The following ITGA1 variants were observed in gnomAD, a reference collection of about 807,000 sequenced individuals.
ITGA1 encodes integrin subunit alpha 1.
ITGA1 carries 85 observed loss-of-function variants against 145.9 expected under a neutral mutation model. The ratio of observed to expected loss-of-function variants is 0.58; its 90% CI spans 0.49 to 0.70. The LOEUF (loss-of-function observed/expected upper bound fraction) is 0.70. Ranked by LOEUF, ITGA1 falls within the 30% of genes least tolerant of loss-of-function variation. The probability of loss-of-function intolerance (pLI) is 0.00; values close to 1 mark genes in which losing one functional copy is unlikely to be tolerated. For missense variants in ITGA1, 1,351 were observed against 1,418.7 expected, an observed-to-expected ratio of 0.95 and a Z score of 0.77; for synonymous variants, 520 against 495.3, an observed-to-expected ratio of 1.05 and a Z score of -0.66.
intron 27 of ITGA1, among the ~76,000 whole-genome samples, chr5:52,946,991 T>C (rs534558292): frequency 1.3e-5 from 2 of 152,338 alleles, no homozygotes; most frequent in African/African-American, 4.8e-5. Context: ...CTAATGCTAT[T>C]GTGATAATAC....
chr5:52,873,037 T>C (rs144668871), intron 6 of ITGA1, among the ~76,000 whole-genome samples: 1 of 152,196 alleles, frequency 6.6e-6, no homozygotes, highest in East Asian at 1.9e-4. Flanking sequence ...TGGAAGATAG[T>C]CTAGGGTTTT....
At chr5:52,925,952 A>G (rs1392132176) in intron 19 of ITGA1, among the ~76,000 whole-genome samples, 2 of 152,186 alleles carry the variant, frequency 1.3e-5, no homozygotes, top group African/African-American at 2.4e-5. Context: ...TTGATTTGTA[A>G]CAGAGGTTTC....
intron 1 of ITGA1, among the ~76,000 whole-genome samples, chr5:52,819,970 AT>A (rs1748847357): frequency 1.3e-5 from 2 of 151,960 alleles, no homozygotes; most frequent in Admixed American, 6.6e-5. Context: ...ATGTGGCATT[AT>A]TTCTGAGGCC....
At chr5:52,937,762 C>A (rs1750992395) in intron 24 of ITGA1, among the ~76,000 whole-genome samples, 1 of 152,118 alleles carries the variant, frequency 6.6e-6, no homozygotes, top group African/African-American at 2.4e-5. Context: ...TCCAGAAGTC[C>A]AAAATCAAGG....
Position 52,788,248 on chromosome 5 carries a change from G to C in ITGA1, c.-106G>C. ...CCGCTGCCACTGGGGCAGAGGACTGGGAACCGCGGCAGCGGGATAAGTGGC... is the reference window on the plus strand; with the variant it reads ...CCGCTGCCACTGGGGCAGAGGACTGCGAACCGCGGCAGCGGGATAAGTGGC... On this transcript the variant is annotated 5_prime_UTR_variant, in exon 1 of 29. Coordinates refer to ENST00000282588, the MANE Select transcript of ITGA1 (RefSeq NM_181501.2). The C allele has an allele frequency of 1.1e-6, 1 of 871,234 alleles. No individual in the cohort carries two copies. Among genetic ancestry groups the C allele is most frequent in the East Asian group, 3.3e-5 (1 of 30,042 alleles). The allele number at this position is 871,234 out of a possible 1,614,324, so 54.0% of individuals were successfully genotyped here. A position where few individuals can be genotyped will look rare whatever the true frequency, so the allele number is the denominator to read the frequency against.
chr5:52,872,003 CAAAT>C (rs1300184608), intron 6 of ITGA1, among the ~76,000 whole-genome samples: 1 of 152,046 alleles, frequency 6.6e-6, no homozygotes, highest in Non-Finnish European at 1.5e-5. Context: ...ATAAATATGT[CAAAT>C]AAGTGTGCAT....
chr5:52,842,780 G>A (rs1382071763), intron 1 of ITGA1, among the ~76,000 whole-genome samples: 2 of 151,348 alleles, frequency 1.3e-5, no homozygotes, highest in African/African-American at 4.9e-5. Flanking sequence ...CTGCCTCCCA[G>A]GTTCAAGCAA....
At chr5:52,813,202 G>T (rs1390602910) in intron 1 of ITGA1, among the ~76,000 whole-genome samples, 1 of 152,074 alleles carries the variant, frequency 6.6e-6, no homozygotes, top group Non-Finnish European at 1.5e-5. Flanking sequence ...GGAAACCACA[G>T]AAACTCATCC....
At chr5:52,847,129 T>G (rs1433086578) in intron 1 of ITGA1, among the ~76,000 whole-genome samples, 4 of 152,148 alleles carry the variant, frequency 2.6e-5, no homozygotes, top group Non-Finnish European at 5.9e-5. Context: ...AATAATTATC[T>G]CCATGAGAGG....
At chr5:52,853,423 T>C (rs1324006351) in intron 2 of ITGA1, among the ~76,000 whole-genome samples, 1 of 152,152 alleles carries the variant, frequency 6.6e-6, no homozygotes. Flanking sequence ...TATTTAATTA[T>C]CTCTAGAGGT....
At chr5:52,912,732 G>T (rs1195408674) in intron 14 of ITGA1, among the ~76,000 whole-genome samples, 2 of 140,288 alleles carry the variant, frequency 1.4e-5, no homozygotes, top group Non-Finnish European at 3.0e-5. Context: ...GTGTGTGTGT[G>T]TGTGTGTGTA....
chr5:52,916,291 A>G (rs1750647420), intron 15 of ITGA1, among the ~76,000 whole-genome samples: 1 of 152,140 alleles, frequency 6.6e-6, no homozygotes, highest in Non-Finnish European at 1.5e-5. Context: ...AATTTTGAAA[A>G]ATATATAATA....
chr5:52,897,356 G>T (rs1241711839), intron 9 of ITGA1, 99 bp from the exon 10 acceptor site: 1 of 799,888 alleles, frequency 1.3e-6, no homozygotes, highest in South Asian at 1.7e-5. Flanking sequence ...GTTCTGGTTG[G>T]TAAGACCACA....
At chr5:52,827,856 T>C (rs1159577107) in intron 1 of ITGA1, among the ~76,000 whole-genome samples, 2 of 152,234 alleles carry the variant, frequency 1.3e-5, no homozygotes, top group Non-Finnish European at 2.9e-5. Context: ...GTGTACTTAA[T>C]AGATTACATT....
chr5:52,922,981 C>A, intron 18 of ITGA1, 94 bp downstream of exon 18: 5 of 677,594 alleles, frequency 7.4e-6, no homozygotes, highest in South Asian at 2.0e-5. Flanking sequence ...GCATTGATCA[C>A]AAAGAACGAA....
chr5:52,941,841 A>C (rs1751058189), intron 26 of ITGA1, among the ~76,000 whole-genome samples: 1 of 152,184 alleles, frequency 6.6e-6, no homozygotes. Flanking sequence ...TTAGCCAAAA[A>C]TTATTTGCCA....
At chr5:52,819,288 C>T (rs1748828418) in intron 1 of ITGA1, among the ~76,000 whole-genome samples, 1 of 152,184 alleles carries the variant, frequency 6.6e-6, no homozygotes, top group African/African-American at 2.4e-5. Flanking sequence ...TCCTATTTCT[C>T]CACATCCTCT....
chr5:52,922,564 C>T (rs971352978), intron 17 of ITGA1, among the ~76,000 whole-genome samples: 4 of 152,094 alleles, frequency 2.6e-5, no homozygotes, highest in Admixed American at 2.0e-4. Flanking sequence ...GTCAACAGGT[C>T]ATACTCTGAA....
rs1019224510 is a variant in ITGA1 at position 52,805,186 on chromosome 5, T to C, written c.61+16772T>C. On this transcript the variant is annotated intron_variant, in intron 1 of 28. Coordinates refer to ENST00000282588, the MANE Select transcript of ITGA1 (RefSeq NM_181501.2). ...AATATGGAGAAATTAAGTGGGAAGA[T>C]GGGGAGGGGAAGTGTGCTAATCACC... Among the ~76,000 whole-genome samples the C allele has an allele frequency of 6.6e-5, 10 of 152,078 alleles. No individual in the cohort carries two copies. The East Asian group carries it at 1.9e-3, about 29-fold the overall frequency.
Sources: gnomAD v4.1 joint callset for allele counts (sites outside exome capture counted in the v4.1 genomes callset) on GRCh38, gnomAD v4.1.1 for gene constraint, MANE v1.5 for transcripts, NCBI Gene and HGNC (gene_info 2026-07-23, HGNC 2026-07-21) for gene names.